BCL11A: variants seen among roughly 807,000 people sequenced by gnomAD.
The protein encoded by BCL11A is B cell CLL/lymphoma 11A.
A neutral mutation model predicts 55.9 loss-of-function variants in BCL11A; 2 were observed. The ratio of observed to expected loss-of-function variants is 0.04; its 90% confidence interval spans 0.01 to 0.11. BCL11A has a LOEUF of 0.11. Among genes scored for constraint, BCL11A ranks in the 10% least tolerant of loss-of-function variants. The probability of loss-of-function intolerance (pLI) is 1.00; values close to 1 mark genes in which losing one functional copy is unlikely to be tolerated. For synonymous variants in BCL11A, 465 were observed against 473.4 expected (o/e 0.98, Z 0.23); for missense variants, 817 against 1,137.1 (o/e 0.72, Z 4.05).
In BCL11A at chr2:60,468,588, G is replaced by A. The variant is rs146232693; in HGVS notation, c.487+144C>T. Reference sequence around the variant, plus strand: ...TCTGGGGCTGAGTGGAGTGGGGAGCGGCTGCCAAGTGAGTAATGGAATAAT... The same window carrying A: ...TCTGGGGCTGAGTGGAGTGGGGAGCAGCTGCCAAGTGAGTAATGGAATAAT... On this transcript the variant is annotated intron_variant, in intron 3 of 3. Transcript: ENST00000642384. 373 of 562,112 alleles carry A rather than the reference G, an allele frequency of 6.6e-4. 5 individuals are homozygous for A. The East Asian group carries it at 0.013, about 20-fold the overall frequency. 34.8% of individuals were successfully genotyped at this position (562,112 alleles called of 1,614,324 possible).
At chr2:60,452,575 T>C, downstream of BCL11A, 1 of 1,613,594 alleles carries the variant, frequency 6.2e-7, no homozygotes, top group Non-Finnish European at 8.5e-7. Context: ...TCAAATTTTC[T>C]CAGAACTTAA....
intron 2 of BCL11A, among the ~76,000 whole-genome samples, chr2:60,539,341 G>C (rs1259907133): frequency 6.6e-6 from 1 of 152,146 alleles, no homozygotes; most frequent in Non-Finnish European, 1.5e-5. Context: ...TTCCCTGCTG[G>C]GATCAGAAGT....
chr2:60,538,865 GA>G (rs1669793816), intron 2 of BCL11A, among the ~76,000 whole-genome samples: 1 of 151,768 alleles, frequency 6.6e-6, no homozygotes, highest in Non-Finnish European at 1.5e-5. Context: ...CTTTTAACGG[GA>G]AAAGCTGGAA....
In BCL11A at chr2:60,458,424, A is replaced by T. The variant is rs970094114; in HGVS notation, c.*1980T>A. On this transcript the variant is annotated 3_prime_UTR_variant, in exon 4 of 4. Transcript: ENST00000642384. ...CCCTAAACATAATGAAGTGTTTTTTAAAAAAAATTTTTCTTAACATTTATA... is the reference window on the plus strand; with the variant it reads ...CCCTAAACATAATGAAGTGTTTTTTTAAAAAAATTTTTCTTAACATTTATA... The T allele has an allele frequency of 4.5e-4, 463 of 1,019,416 alleles. No individual in the cohort carries two copies. The highest frequency in any genetic ancestry group is 5.1e-4 in the Non-Finnish European group (430 of 848,714). The allele number at this position is 1,019,416 out of a possible 1,614,324, so 63.1% of individuals were successfully genotyped here.
Position 60,462,039 on chromosome 2 carries a change from G to C in BCL11A, c.873C>G (p.Thr291=), listed in dbSNP as rs1208293915. ...CCCTGTCAAAGGCACTCGGGTGATG[G>C]GTGGCCAGGGCCATCTCTTCCGCCC... ...RLGAEEMALA[T]HHPSAFDRVL... Residue 291 remains threonine (T), a synonymous_variant, in exon 4 of 4, where the codon ACC becomes ACG. Coordinates refer to ENST00000642384, the MANE Select transcript of BCL11A (RefSeq NM_022893.4). The C allele has an allele frequency of 6.2e-7, 1 of 1,608,556 alleles. No homozygotes were observed. The highest frequency in any genetic ancestry group is 1.1e-5 in the South Asian group (1 of 90,392).
At chr2:60,507,616 A>C (rs888146052) in intron 2 of BCL11A, among the ~76,000 whole-genome samples, 3 of 152,152 alleles carry the variant, frequency 2.0e-5, no homozygotes, top group Admixed American at 2.0e-4. Context: ...TGCATAACAG[A>C]GTCTCTTACA....
chr2:60,553,737 GGACAT>G (rs1670518644), upstream of BCL11A: 1 of 151,330 alleles, frequency 6.6e-6, no homozygotes, highest in African/African-American at 2.5e-5. Context: ...ATCAGGGGCT[GGACAT>G]GAAAAAGAGA....
At chr2:60,505,706 A>G (rs991075422) in intron 2 of BCL11A, among the ~76,000 whole-genome samples, 1 of 152,246 alleles carries the variant, frequency 6.6e-6, no homozygotes, top group Non-Finnish European at 1.5e-5. Flanking sequence ...ACCTCCCGGA[A>G]GCAGGGGACA....
At chr2:60,468,947 T>C (rs1677045063) in intron 2 of BCL11A, 114 bp from the exon 3 acceptor site, 14 of 654,080 alleles carry the variant, frequency 2.1e-5, no homozygotes, top group Non-Finnish European at 3.7e-5. Context: ...TACAACAGCC[T>C]TGCAGATAGT....
intron 2 of BCL11A, among the ~76,000 whole-genome samples, chr2:60,501,147 T>C (rs1276428844): frequency 6.6e-6 from 1 of 152,234 alleles, no homozygotes; most frequent in Non-Finnish European, 1.5e-5. Flanking sequence ...TTGGTAAACA[T>C]CCAATTTTGC....
intron 2 of BCL11A, chr2:60,534,445 C>G (rs913008004): frequency 5.3e-5 from 8 of 152,238 alleles, no homozygotes; most frequent in Non-Finnish European, 8.8e-5. Context: ...TGTCTTAATA[C>G]ACTATAATAG....
At chr2:60,473,050 T>C (rs116260340) in intron 2 of BCL11A, among the ~76,000 whole-genome samples, 7 of 131,246 alleles carry the variant, frequency 5.3e-5, no homozygotes, top group Non-Finnish European at 1.3e-4. Context: ...TATGTGTTTG[T>C]GAGCATGTGC....
Position 60,546,552 on chromosome 2 carries a change from A to AAC in BCL11A, c.56-254_56-253dup, listed in dbSNP as rs67861577. 2.6e-5 allele frequency among the ~76,000 whole-genome samples: 4 copies of AAC among 151,628 alleles called. No homozygotes were observed. The highest frequency in any genetic ancestry group is 7.3e-5 in the African/African-American group (3 of 41,244). ...CAGTCTTCCTTGCATAACTCCAGAG[A>AAC]ACACACACACACACATATACCCATG... is the stretch of plus-strand genomic sequence containing the variant. On this transcript the variant is annotated intron_variant, in intron 1 of 3. Coordinates refer to ENST00000642384, the MANE Select transcript of BCL11A (RefSeq NM_022893.4). This position sits in a 1 kb window ranked among gnomAD's most constrained non-coding sequence, Gnocchi z 4.1.
Position 60,459,812 on chromosome 2 carries a change from T to C in BCL11A, c.*592A>G. On this transcript the variant is annotated 3_prime_UTR_variant, in exon 4 of 4. Coordinates refer to ENST00000642384, the MANE Select transcript of BCL11A (RefSeq NM_022893.4). ...GAGACAGACATTTAGCTCATAGAGA[T>C]TTTTTTTCAGTGCTATCTATTCTGT... is the stretch of plus-strand genomic sequence containing the variant. 1 of 1,042,042 alleles carries C rather than the reference T, an allele frequency of 9.6e-7. No individual in the cohort carries two copies. The highest frequency in any genetic ancestry group is 1.2e-6 in the Non-Finnish European group (1 of 864,432). The allele number at this position is 1,042,042 out of a possible 1,614,324, so 64.5% of individuals were successfully genotyped here. A position where few individuals can be genotyped will look rare whatever the true frequency, so the allele number is the denominator to read the frequency against.
intron 3 of BCL11A, among the ~76,000 whole-genome samples, chr2:60,463,432 T>A (rs888336850): frequency 1.1e-4 from 16 of 152,198 alleles, no homozygotes; most frequent in African/African-American, 3.9e-4. Context: ...TTATACAACA[T>A]CCTGCGCCCT....
chr2:60,481,317 A>G (rs1416379113), intron 2 of BCL11A, among the ~76,000 whole-genome samples: 1 of 152,080 alleles, frequency 6.6e-6, no homozygotes, highest in African/African-American at 2.4e-5. Context: ...ACTCCTTGAA[A>G]ACAAAAATGA....
intron 2 of BCL11A, among the ~76,000 whole-genome samples, chr2:60,487,721 A>T (rs892577358): frequency 6.6e-6 from 1 of 152,226 alleles, no homozygotes; most frequent in South Asian, 2.1e-4. Flanking sequence ...TGAGCAGCAG[A>T]ATGTAAAAAG....
At chr2:60,547,830 G>A (rs1670224469) in intron 1 of BCL11A, among the ~76,000 whole-genome samples, 1 of 152,174 alleles carries the variant, frequency 6.6e-6, no homozygotes, top group African/African-American at 2.4e-5. Context: ...AAATAATATT[G>A]AGAGAGCCCT....
downstream of BCL11A, chr2:60,457,061 G>A (rs1377553091): frequency 1.2e-5 from 2 of 165,924 alleles, no homozygotes; most frequent in Non-Finnish European, 2.5e-5. Context: ...GTTCCTTTAG[G>A]GTATAATACA....
Sources: gnomAD v4.1 joint callset for allele counts (sites outside exome capture counted in the v4.1 genomes callset) on GRCh38, gnomAD v4.1.1 for gene constraint, Gnocchi (gnomAD v3.1) non-coding constraint, MANE v1.5 for transcripts, NCBI Gene and HGNC (gene_info 2026-07-23, HGNC 2026-07-21) for gene names.